The following EIF2B3 variants were observed in gnomAD, a reference collection of about 807,000 sequenced individuals.
The protein encoded by EIF2B3 is translation initiation factor eIF2B subunit gamma.
A neutral mutation model predicts 54.1 loss-of-function variants in EIF2B3; 20 were observed. That is an observed-to-expected ratio of 0.37 (90% confidence interval 0.26 to 0.54). The LOEUF (loss-of-function observed/expected upper bound fraction) is 0.54, where lower values mean the gene tolerates loss of function less well. EIF2B3 is among the 20% of genes least tolerant of loss of function. EIF2B3 has a pLI of 0.86. For missense variants in EIF2B3, 448 were observed against 547.8 expected (o/e 0.82, Z 1.82); for synonymous variants, 153 against 188.1 (o/e 0.81, Z 1.52).
chr1:44,899,161 C>T (rs1038257004), intron 5 of EIF2B3, among the ~76,000 whole-genome samples: 1 of 152,172 alleles, frequency 6.6e-6, no homozygotes, highest in Non-Finnish European at 1.5e-5. Flanking sequence ...ACAAAACAAA[C>T]AGCTTTATGG....
At chr1:44,873,870 G>A (rs931298013) in intron 10 of EIF2B3, among the ~76,000 whole-genome samples, 3 of 151,378 alleles carry the variant, frequency 2.0e-5, no homozygotes, top group South Asian at 2.1e-4. Flanking sequence ...GGCTAATCTC[G>A]AACTCCTGAC....
chr1:44,887,744 A>G (rs1655643200), intron 6 of EIF2B3, among the ~76,000 whole-genome samples: 1 of 152,148 alleles, frequency 6.6e-6, no homozygotes, highest in South Asian at 2.1e-4. Context: ...ATCTCTATTA[A>G]AAGTACAAAA....
chr1:44,879,317 C>T (rs912047632), intron 8 of EIF2B3, among the ~76,000 whole-genome samples: 4 of 152,186 alleles, frequency 2.6e-5, no homozygotes, highest in Non-Finnish European at 4.4e-5. Context: ...AAAGGAGGGG[C>T]TAGCAAGAGA....
intron 5 of EIF2B3, among the ~76,000 whole-genome samples, chr1:44,898,320 A>G (rs1656047285): frequency 6.6e-6 from 1 of 152,188 alleles, no homozygotes; most frequent in South Asian, 2.1e-4. Flanking sequence ...TCTATTGGAT[A>G]ACTTAACATA....
intron 3 of EIF2B3, among the ~76,000 whole-genome samples, chr1:44,944,715 A>G (rs1473045120): frequency 6.6e-6 from 1 of 152,152 alleles, no homozygotes; most frequent in African/African-American, 2.4e-5. Flanking sequence ...AGTCCCAGCT[A>G]CTTGGGAGGC....
chr1:44,862,771 G>A (rs1170926157), intron 10 of EIF2B3, among the ~76,000 whole-genome samples: 1 of 152,008 alleles, frequency 6.6e-6, no homozygotes, highest in Admixed American at 6.6e-5. Context: ...CTAATTTTTT[G>A]TATTTTTAGT....
chr1:44,892,486 G>A (rs573683266), intron 6 of EIF2B3, among the ~76,000 whole-genome samples: 1 of 151,872 alleles, frequency 6.6e-6, no homozygotes, highest in African/African-American at 2.4e-5. Flanking sequence ...AGGCTGAGGA[G>A]GGAGGATCAC....
intron 3 of EIF2B3, among the ~76,000 whole-genome samples, chr1:44,976,606 C>T (rs549100589): frequency 4.6e-5 from 7 of 152,206 alleles, no homozygotes; most frequent in Admixed American, 2.6e-4. Context: ...GAACAATGCT[C>T]ATAATAGCTT....
chr1:44,905,115 G>A (rs1643388939), intron 5 of EIF2B3, among the ~76,000 whole-genome samples: 2 of 152,182 alleles, frequency 1.3e-5, no homozygotes, highest in Admixed American at 6.5e-5. Flanking sequence ...TGGTCACACT[G>A]TAAGTGGTAG....
intron 3 of EIF2B3, among the ~76,000 whole-genome samples, chr1:44,976,419 A>G (rs1156387259): frequency 6.6e-6 from 1 of 152,222 alleles, no homozygotes; most frequent in Non-Finnish European, 1.5e-5. Context: ...CATACCTACT[A>G]GAATGGTTAA....
chr1:44,894,225 A>T (rs1183238145), intron 6 of EIF2B3, among the ~76,000 whole-genome samples: 1 of 152,210 alleles, frequency 6.6e-6, no homozygotes, highest in East Asian at 1.9e-4. Context: ...ACACATTTTG[A>T]ATTAAAATGT....
chr1:44,955,960 C>T (rs1234527057), intron 3 of EIF2B3, among the ~76,000 whole-genome samples: 4 of 152,082 alleles, frequency 2.6e-5, no homozygotes, highest in Non-Finnish European at 5.9e-5. Flanking sequence ...GTGGTGATTC[C>T]TCAAGGATCT....
At chr1:44,983,067 G>C (rs1420771297) in intron 1 of EIF2B3, among the ~76,000 whole-genome samples, 1 of 151,694 alleles carries the variant, frequency 6.6e-6, no homozygotes, top group Non-Finnish European at 1.5e-5. Flanking sequence ...ACTGCACCTG[G>C]CCGCCTGGCT....
At position 44,881,807 on chromosome 1, in the gene EIF2B3, G is replaced by A; in HGVS notation, c.657-68C>T. On this transcript the variant is annotated intron_variant, in intron 6 of 11. Transcript: ENST00000360403. The surrounding 1 kb of genome is among the most constrained non-coding windows in gnomAD (Gnocchi z 4.0). ...GGAACATACCCGGATCAAAAGCTCT[G>A]TGCATACAAGGAAAAGCCAAATCCT... 5.0e-6 allele frequency: 8 copies of A among 1,596,864 alleles called. No individual in the cohort carries two copies. The highest frequency in any genetic ancestry group is 1.1e-5 in the South Asian group (1 of 90,382).
At chr1:44,860,760 T>C (rs2148894695) in intron 10 of EIF2B3, among the ~76,000 whole-genome samples, 1 of 151,642 alleles carries the variant, frequency 6.6e-6, no homozygotes, top group African/African-American at 2.4e-5. Context: ...GAGTCAGAAA[T>C]GGGAAGAGAA....
At chr1:44,941,102 G>A (rs1195043622) in intron 4 of EIF2B3, among the ~76,000 whole-genome samples, 2 of 152,106 alleles carry the variant, frequency 1.3e-5, no homozygotes, top group African/African-American at 2.4e-5. Flanking sequence ...GGCCAGGCTG[G>A]TCTCAAACTC....
In EIF2B3 at chr1:44,922,836, A is replaced by ATTTTT. The variant is rs386366852; in HGVS notation, c.566+3787_566+3791dup. On this transcript the variant is annotated intron_variant, in intron 5 of 11. Transcript: ENST00000360403. ...ATTACTTTCTTGATTTCTTTTTCAG[A>ATTTTT]TTTTTTTTTTTTTTTTTTTTTTTTT... Among the ~76,000 whole-genome samples the ATTTTT allele has an allele frequency of 3.0e-3, 171 of 56,652 alleles. 25 individuals are homozygous for ATTTTT. The highest frequency in any genetic ancestry group is 7.0e-3 in the African/African-American group (102 of 14,530). The allele number at this position is 56,652 out of a possible 152,430, so 37.2% of individuals were successfully genotyped here. A position where few individuals can be genotyped will look rare whatever the true frequency, so the allele number is the denominator to read the frequency against.
At chr1:44,893,219 A>G (rs1216360385) in intron 6 of EIF2B3, among the ~76,000 whole-genome samples, 1 of 152,186 alleles carries the variant, frequency 6.6e-6, no homozygotes, top group Non-Finnish European at 1.5e-5. Flanking sequence ...ATATGCCATC[A>G]TGCCCAGCTA....
chr1:44,910,117 A>G (rs1034539337), intron 5 of EIF2B3, among the ~76,000 whole-genome samples: 1 of 152,218 alleles, frequency 6.6e-6, no homozygotes, highest in African/African-American at 2.4e-5. Context: ...AACATTGGGG[A>G]AAAGCTACAT....
Sources: gnomAD v4.1 joint callset for allele counts (sites outside exome capture counted in the v4.1 genomes callset) on GRCh38, gnomAD v4.1.1 for gene constraint, Gnocchi (gnomAD v3.1) non-coding constraint, MANE v1.5 for transcripts, NCBI Gene and HGNC (gene_info 2026-07-23, HGNC 2026-07-21) for gene names.